The following COL13A1 variants were observed in gnomAD, a reference collection of about 807,000 sequenced individuals.
COL13A1 encodes collagen type XIII alpha 1 chain.
COL13A1 carries 89 observed loss-of-function variants against 130.9 expected under a neutral mutation model. The observed-to-expected ratio is 0.68, with a 90% CI of 0.57 to 0.81. COL13A1 has a LOEUF of 0.81. Among genes scored for constraint, COL13A1 ranks in the 30% least tolerant of loss-of-function variants. COL13A1 has a pLI of 0.00. For synonymous variants in COL13A1, 402 were observed against 341.6 expected, an observed-to-expected ratio of 1.18 and a Z score of -1.95; for missense variants, 879 against 934.6, an observed-to-expected ratio of 0.94 and a Z score of 0.78.
chr10:69,887,491 G>C lies in COL13A1; in HGVS notation c.549G>C (p.Pro183=). ...QPGTRGFPGF[P]GPIGLDGKPG... Reference sequence around the variant, plus strand: ...GAACTAGAGGTTTCCCTGGATTTCCGGTAAGTGGAGAAGGCTGAAGTTAGC... The same window carrying C: ...GAACTAGAGGTTTCCCTGGATTTCCCGTAAGTGGAGAAGGCTGAAGTTAGC... Residue 183 remains proline (P), a splice_region_variant and synonymous_variant, in exon 8 of 41, where the codon CCG becomes CCC. Transcript: ENST00000645393. 3 of 1,613,402 alleles carry C rather than the reference G, an allele frequency of 1.9e-6. No homozygotes were observed. The highest frequency in any genetic ancestry group is 2.5e-6 in the Non-Finnish European group (3 of 1,179,740).
chr10:69,820,707 C>T (rs2132562001), intron 1 of COL13A1, among the ~76,000 whole-genome samples: 2 of 152,302 alleles, frequency 1.3e-5, no homozygotes, highest in Middle Eastern at 3.4e-3. Context: ...GGTGTTTCCC[C>T]TCTTCTGGTC....
intron 36 of COL13A1, among the ~76,000 whole-genome samples, chr10:69,944,996 G>A (rs970852330): frequency 6.6e-6 from 1 of 152,242 alleles, no homozygotes; most frequent in South Asian, 2.1e-4. Context: ...TGCAGTTCCT[G>A]GCCTGTCCTG....
At chr10:69,815,186 A>G (rs1844139780) in intron 1 of COL13A1, among the ~76,000 whole-genome samples, 1 of 152,122 alleles carries the variant, frequency 6.6e-6, no homozygotes, top group African/African-American at 2.4e-5. Context: ...GGCTGTGTCT[A>G]TGCCACAGCT....
chr10:69,859,225 G>A (rs1346530921), intron 2 of COL13A1, among the ~76,000 whole-genome samples: 2 of 152,200 alleles, frequency 1.3e-5, no homozygotes, highest in South Asian at 2.1e-4. Context: ...ATATTAGGTT[G>A]ATGCAAAAGT....
rs80103674 is a variant in COL13A1, at chr10:69,863,296, C to T, written c.365-4502C>T. Among the ~76,000 whole-genome samples, 722 of 152,262 alleles carry T rather than the reference C, an allele frequency of 4.7e-3. 3 individuals carry two copies. Among genetic ancestry groups the T allele is most frequent in the Non-Finnish European group, 8.1e-3 (551 of 68,024 alleles). On this transcript the variant is annotated intron_variant, in intron 2 of 40. Transcript: ENST00000645393. ...TATCCTCTGGGGAGCCAAATTCCCC[C>T]GAGCTGAGAACCCCTGCTCCAGCAG...
Position 69,839,499 on chromosome 10 carries a change from G to A in COL13A1, c.364+17061G>A, listed in dbSNP as rs560497913. Among the ~76,000 whole-genome samples the A allele has an allele frequency of 1.5e-4, 23 of 152,290 alleles. 1 individual carries two copies. The South Asian group carries it at 4.6e-3, about 30-fold the overall frequency. On this transcript the variant is annotated intron_variant, in intron 2 of 40. Transcript: ENST00000645393. ...GGGATATTTTCGATAGGGCATTGTGGGGGGCAGTGTTATCTGTGAGAAGGT... is the reference window on the plus strand; with the variant it reads ...GGGATATTTTCGATAGGGCATTGTGAGGGGCAGTGTTATCTGTGAGAAGGT...
Position 69,864,279 on chromosome 10 carries a change from T to C in COL13A1, c.365-3519T>C, listed in dbSNP as rs188778647. On this transcript the variant is annotated intron_variant, in intron 2 of 40. Transcript: ENST00000645393. ...GTTATAGTTACCATGCTTAGCACTG[T>C]GTCTATGTCTGCCGCATAATGAGCA... is the stretch of plus-strand genomic sequence containing the variant. Among the ~76,000 whole-genome samples the C allele has an allele frequency of 5.3e-4, 80 of 151,586 alleles. 1 individual carries two copies. In the East Asian group the frequency reaches 0.013, roughly 24 times the overall value.
At chr10:69,893,321 CATTCTGG>C (rs1302602580) in intron 10 of COL13A1, among the ~76,000 whole-genome samples, 1 of 152,238 alleles carries the variant, frequency 6.6e-6, no homozygotes, top group East Asian at 1.9e-4. Flanking sequence ...CACTGTACTC[CATTCTGG>C]ACAACAGAGC....
At chr10:69,945,260 C>T (rs1378045734) in intron 36 of COL13A1, among the ~76,000 whole-genome samples, 3 of 152,266 alleles carry the variant, frequency 2.0e-5, no homozygotes, top group Admixed American at 6.5e-5. Flanking sequence ...CAAGCTTCTC[C>T]GTGACCACCA....
chr10:69,811,519 G>A (rs1004902392), intron 1 of COL13A1, among the ~76,000 whole-genome samples: 19 of 152,186 alleles, frequency 1.2e-4, no homozygotes, highest in African/African-American at 4.3e-4. Context: ...ACCTCCCCCT[G>A]AACTGGCACT....
chr10:69,941,371 C>T (rs2067614070), intron 35 of COL13A1, among the ~76,000 whole-genome samples: 1 of 152,198 alleles, frequency 6.6e-6, no homozygotes, highest in African/African-American at 2.4e-5. Flanking sequence ...CCTCTCCCCA[C>T]CAAACACACC....
At chr10:69,839,396 T>TC (rs200203226) in intron 2 of COL13A1, among the ~76,000 whole-genome samples, 7 of 151,924 alleles carry the variant, frequency 4.6e-5, no homozygotes, top group East Asian at 1.9e-4. Flanking sequence ...TTTAAAGGAT[T>TC]CCCCCCACGG....
chr10:69,947,379 A>G, intron 38 of COL13A1, 37 bp downstream of exon 38: 1 of 1,582,718 alleles, frequency 6.3e-7, no homozygotes, highest in South Asian at 1.1e-5. Context: ...TCTAGTTACT[A>G]ATGTCTTCAT....
chr10:69,913,889 A>G (rs539309778), intron 17 of COL13A1, among the ~76,000 whole-genome samples: 3 of 152,100 alleles, frequency 2.0e-5, no homozygotes, highest in Non-Finnish European at 4.4e-5. Flanking sequence ...AGGCCCTGCC[A>G]TGGGGATCAA....
chr10:69,901,545 C>T (rs2062182938), intron 14 of COL13A1, among the ~76,000 whole-genome samples: 2 of 152,166 alleles, frequency 1.3e-5, no homozygotes, highest in South Asian at 4.1e-4. Context: ...GGTGGGCCGG[C>T]CTGGAACTCC....
intron 17 of COL13A1, among the ~76,000 whole-genome samples, chr10:69,912,155 C>T (rs544415700): frequency 6.6e-6 from 1 of 152,316 alleles, no homozygotes; most frequent in African/African-American, 2.4e-5. Context: ...GCACTCTGGG[C>T]TTTGTTTTTC....
chr10:69,838,962 C>T (rs888553896), intron 2 of COL13A1, among the ~76,000 whole-genome samples: 1 of 152,258 alleles, frequency 6.6e-6, no homozygotes, highest in Non-Finnish European at 1.5e-5. Flanking sequence ...TTGCTATTTG[C>T]TACACACGTG....
At chr10:69,944,719 GGAAAA>G (rs1219360593) in intron 36 of COL13A1, among the ~76,000 whole-genome samples, 9 of 146,742 alleles carry the variant, frequency 6.1e-5, no homozygotes, top group African/African-American at 2.2e-4. Flanking sequence ...AGAAAAAAGA[GGAAAA>G]GAAAAAAAAA....
At chr10:69,815,751 A>G (rs767597128) in intron 1 of COL13A1, among the ~76,000 whole-genome samples, 52 of 152,206 alleles carry the variant, frequency 3.4e-4, no homozygotes, top group Non-Finnish European at 6.2e-4. Flanking sequence ...GTGAACAACC[A>G]ATATTTATTG....
Sources: allele counts gnomAD v4.1 joint callset (sites outside exome capture counted in the v4.1 genomes callset), GRCh38; gene constraint gnomAD v4.1.1; transcripts MANE v1.5; gene names NCBI Gene and HGNC (gene_info 2026-07-23, HGNC 2026-07-21).